S100PBP: variants seen among roughly 807,000 people sequenced by gnomAD.
S100PBP encodes S100P-binding protein.
Under a neutral mutation model 39.9 loss-of-function variants are expected in S100PBP, and 15 were observed. The observed-to-expected ratio is 0.38, with a 90% CI of 0.25 to 0.58. The LOEUF is 0.58. Ranked by LOEUF, S100PBP falls within the 20% of genes least tolerant of loss-of-function variation. S100PBP has a pLI of 0.70. For synonymous variants in S100PBP, 178 were observed against 180.3 expected (o/e 0.99, Z 0.10); for missense variants, 504 against 487.3 (o/e 1.03, Z -0.32).
chr1:32,852,990 G>A lies in S100PBP; in HGVS notation c.1025-89G>A, dbSNP rs1640673264. 7 of 876,952 alleles carry A rather than the reference G, an allele frequency of 8.0e-6. No homozygotes were observed. The Admixed American group carries it at 1.3e-4, about 16-fold the overall frequency. 54.3% of individuals were successfully genotyped at this position (876,952 alleles called of 1,614,324 possible). On this transcript the variant is annotated intron_variant, in intron 5 of 6. Coordinates refer to ENST00000373475, the MANE Select transcript of S100PBP (RefSeq NM_022753.4). Reference sequence around the variant, plus strand: ...GTATATATTGTTGAGAACAGTGCCTGTTTTCTCTTTCCCTGAAAACACATA... The same window carrying A: ...GTATATATTGTTGAGAACAGTGCCTATTTTCTCTTTCCCTGAAAACACATA...
chr1:32,828,579 A>C (rs1639445076), intron 4 of S100PBP, among the ~76,000 whole-genome samples: 1 of 152,204 alleles, frequency 6.6e-6, no homozygotes, highest in Admixed American at 6.5e-5. Flanking sequence ...CAGTATCTTT[A>C]CATGGTCCTT....
chr1:32,824,660 T>G (rs1003280858), intron 1 of S100PBP, among the ~76,000 whole-genome samples: 2 of 151,768 alleles, frequency 1.3e-5, no homozygotes. Flanking sequence ...CCTCCCATCC[T>G]CAAGTGATCC....
At chr1:32,853,665 A>G (rs2148699808) in intron 6 of S100PBP, among the ~76,000 whole-genome samples, 1 of 152,158 alleles carries the variant, frequency 6.6e-6, no homozygotes, top group African/African-American at 2.4e-5. Flanking sequence ...TTGGGAGGCC[A>G]AGGCAGGAGG....
At chr1:32,823,148 ACT>A (rs1639163286) in intron 1 of S100PBP, among the ~76,000 whole-genome samples, 1 of 152,114 alleles carries the variant, frequency 6.6e-6, no homozygotes, top group Non-Finnish European at 1.5e-5. Context: ...AATCTATTGA[ACT>A]CTCCATTTGG....
At chr1:32,817,312 C>T (rs1226816305), upstream of S100PBP, 1 of 1,596,408 alleles carries the variant, frequency 6.3e-7, no homozygotes, top group African/African-American at 1.3e-5. Context: ...ACCGTCGCCG[C>T]CGCGTGCCGG....
chr1:32,855,854 CT>C (rs935291542), intron 6 of S100PBP, 69 bp from the exon 7 acceptor site: 35 of 906,910 alleles, frequency 3.9e-5, no homozygotes, highest in South Asian at 7.2e-5. Flanking sequence ...TTGTGCTGGC[CT>C]TTTTTTGTGT....
Position 32,826,928 on chromosome 1 carries a change from AAAGT to A in S100PBP, c.831+4_831+7del. 2 of 1,558,750 alleles carry A rather than the reference AAAGT, an allele frequency of 1.3e-6. No individual in the cohort carries two copies. Among genetic ancestry groups the A allele is most frequent in the Non-Finnish European group, 1.7e-6 (2 of 1,151,226 alleles). ...TCTGGTTGTTTCCACCTCATCAAAC[AAAGT>A]AAGTATATTTTATTCAAGGTGAAGA... is the stretch of plus-strand genomic sequence containing the variant. On this transcript the variant is annotated splice_donor_variant and coding_sequence_variant, in exon 3 of 7. Coordinates refer to ENST00000373475, the MANE Select transcript of S100PBP (RefSeq NM_022753.4). LOFTEE classifies it high-confidence loss of function.
At chr1:32,849,367 G>A (rs1334187107) in intron 5 of S100PBP, among the ~76,000 whole-genome samples, 3 of 152,104 alleles carry the variant, frequency 2.0e-5, no homozygotes, top group Non-Finnish European at 4.4e-5. Context: ...GAACTCCTGG[G>A]CTCAAGCCAT....
In S100PBP at chr1:32,826,178, G is replaced by T. The variant is rs1482568812; in HGVS notation, c.79G>T (p.Asp27Tyr). 1.9e-6 allele frequency: 3 copies of T among 1,614,014 alleles called. No individual in the cohort carries two copies. In the African/African-American group the frequency reaches 4.0e-5, roughly 22 times the overall value. The stretch of plus-strand genomic sequence containing the variant: ...TAAAGACGGTGCCCCATTTTCTTGG[G>T]ATTCCTTGGATGAGGATGGATTGGA... ...LPKDGAPFSW[D>Y]SLDEDGLDDS... is the part of the protein sequence containing the mutation. Residue 27 changes from aspartate to tyrosine, a missense_variant, in exon 3 of 7, where the codon GAT becomes TAT. Asp to Tyr is a radical substitution (Grantham distance 160, BLOSUM62 -3). Coordinates refer to ENST00000373475, the MANE Select transcript of S100PBP (RefSeq NM_022753.4).
At chr1:32,852,958 AT>A (rs1640671669) in intron 5 of S100PBP, 120 bp from the exon 6 acceptor site, 4 of 657,576 alleles carry the variant, frequency 6.1e-6, no homozygotes, top group Admixed American at 2.4e-5. Flanking sequence ...GCTTGTGATA[AT>A]TGTAAGTATA....
chr1:32,821,036 A>G (rs61224516), intron 1 of S100PBP, among the ~76,000 whole-genome samples: 20,853 of 152,162 alleles, frequency 0.14, 1,779 homozygotes, highest in South Asian at 0.23. Flanking sequence ...TATACCTAGC[A>G]TGCTGCTTTG....
chr1:32,829,561 C>G (rs191320774), intron 4 of S100PBP, among the ~76,000 whole-genome samples: 1 of 152,278 alleles, frequency 6.6e-6, no homozygotes, highest in South Asian at 2.1e-4. Flanking sequence ...CTCGTGGACT[C>G]AAGTCATCCT....
intron 5 of S100PBP, among the ~76,000 whole-genome samples, chr1:32,838,348 A>G (rs1340292985): frequency 2.6e-5 from 4 of 151,402 alleles, no homozygotes; most frequent in Admixed American, 1.3e-4. Context: ...AAAAAAAAAA[A>G]AAAAAGAAAA....
intron 1 of S100PBP, among the ~76,000 whole-genome samples, chr1:32,823,932 C>T (rs1338261065): frequency 6.6e-6 from 1 of 152,216 alleles, no homozygotes; most frequent in African/African-American, 2.4e-5. Context: ...GGTGCAGTGG[C>T]TCACGCCTAT....
At chr1:32,821,523 G>A (rs952670009) in intron 1 of S100PBP, among the ~76,000 whole-genome samples, 22 of 152,020 alleles carry the variant, frequency 1.4e-4, no homozygotes, top group African/African-American at 5.3e-4. Context: ...GGTTTCACCA[G>A]GTTGGTCCAG....
intron 5 of S100PBP, among the ~76,000 whole-genome samples, chr1:32,852,441 G>A (rs1356931976): frequency 6.6e-6 from 1 of 152,072 alleles, no homozygotes; most frequent in Non-Finnish European, 1.5e-5. Context: ...AAAGTGTCTA[G>A]TACATTGCTA....
At chr1:32,831,107 T>C (rs1191946251) in intron 5 of S100PBP, among the ~76,000 whole-genome samples, 3 of 151,910 alleles carry the variant, frequency 2.0e-5, no homozygotes, top group Non-Finnish European at 2.9e-5. Flanking sequence ...CTCCATATTC[T>C]GTCATCTTCA....
intron 5 of S100PBP, among the ~76,000 whole-genome samples, chr1:32,842,236 T>TATATATATACAC (rs372174677): frequency 0.015 from 1,201 of 80,784 alleles, 24 homozygotes; most frequent in Admixed American, 0.038. Flanking sequence ...TATATATATA[T>TATATATATACAC]ACACACACAC....
chr1:32,824,130 G>A (rs903288063), intron 1 of S100PBP, among the ~76,000 whole-genome samples: 7 of 152,016 alleles, frequency 4.6e-5, no homozygotes, highest in South Asian at 2.1e-4. Context: ...CCTGGGAGGC[G>A]GAGCTTGCAG....
Sources: allele counts gnomAD v4.1 joint callset (sites outside exome capture counted in the v4.1 genomes callset), GRCh38; gene constraint gnomAD v4.1.1; transcripts MANE v1.5; gene names NCBI Gene and HGNC (gene_info 2026-07-23, HGNC 2026-07-21).